The following TEX14 variants were observed in gnomAD, a reference collection of about 807,000 sequenced individuals.
TEX14 encodes inactive serine/threonine-protein kinase TEX14.
Under a neutral mutation model 178.6 loss-of-function variants are expected in TEX14, and 168 were observed. That is an observed-to-expected ratio of 0.94 (90% CI 0.83 to 1.07). The LOEUF (loss-of-function observed/expected upper bound fraction) is 1.07. TEX14 is among the 50% of genes least tolerant of loss of function. The pLI is 0.00. For missense variants in TEX14, 1,730 were observed against 1,753.6 expected, an observed-to-expected ratio of 0.99 and a Z score of 0.24; for synonymous variants, 626 against 634.1, an observed-to-expected ratio of 0.99 and a Z score of 0.19.
In TEX14 at chr17:58,602,472, G is replaced by A. The variant is rs1271939791; in HGVS notation, c.1455C>T (p.Gly485=). 2 of 1,613,904 alleles carry A rather than the reference G, an allele frequency of 1.2e-6. No homozygotes were observed. The highest frequency in any genetic ancestry group is 1.6e-4 in the Middle Eastern group (1 of 6,062). The change falls in exon 12 of 32, where the codon GGC becomes GGT. Residue 485 remains glycine (G), a synonymous_variant. Coordinates refer to ENST00000349033, the MANE Select transcript of TEX14 (RefSeq NM_031272.5). Reference sequence around the variant, plus strand: ...TTCGGTCTTTCTGCTTGACGTGGATGCCTGACTTAACAATATCATAGTAAG... The same window carrying A: ...TTCGGTCTTTCTGCTTGACGTGGATACCTGACTTAACAATATCATAGTAAG... ...PKPYYDIVKS[G]IHVKQKDRTM...
chr17:58,668,357 C>T (rs568147815), intron 1 of TEX14, among the ~76,000 whole-genome samples: 186 of 152,320 alleles, frequency 1.2e-3, no homozygotes, highest in Non-Finnish European at 2.0e-3. Flanking sequence ...AAGTGCACCT[C>T]TCCCAGCTAC....
intron 1 of TEX14, chr17:58,661,031 C>T (rs780487507): frequency 5.3e-6 from 6 of 1,135,834 alleles, no homozygotes; most frequent in African/African-American, 1.5e-5. Flanking sequence ...TTCACGAACA[C>T]GCTCATTATC....
At chr17:58,568,513 T>A (rs1222943209) in intron 26 of TEX14, among the ~76,000 whole-genome samples, 1 of 152,204 alleles carries the variant, frequency 6.6e-6, no homozygotes, top group Non-Finnish European at 1.5e-5. Flanking sequence ...AGATGCATTT[T>A]CTGAGGGTGA....
At chr17:58,667,034 C>A (rs2047225904) in intron 1 of TEX14, among the ~76,000 whole-genome samples, 1 of 152,194 alleles carries the variant, frequency 6.6e-6, no homozygotes, top group Non-Finnish European at 1.5e-5. Flanking sequence ...GTCTGTCAGG[C>A]CATTTTCCTG....
Position 58,602,679 on chromosome 17 carries a change from T to C in TEX14, c.1337-89A>G, listed in dbSNP as rs1461656322. 4 of 1,004,270 alleles carry C rather than the reference T, an allele frequency of 4.0e-6. No homozygotes were observed. In the African/African-American group the frequency reaches 4.9e-5, roughly 12 times the overall value. The allele number at this position is 1,004,270 out of a possible 1,614,324, so 62.2% of individuals were successfully genotyped here. ...GAAATCAGATGAAGCTGGGTAACCTTAGGCAAGTCACTTAACTTCTTTATT... is the reference window on the plus strand; with the variant it reads ...GAAATCAGATGAAGCTGGGTAACCTCAGGCAAGTCACTTAACTTCTTTATT... On this transcript the variant is annotated intron_variant, in intron 11 of 31. Transcript: ENST00000349033.
chr17:58,593,679 A>T lies in TEX14; in HGVS notation c.2470-18T>A, dbSNP rs2045211752. 6.3e-7 allele frequency: 1 copy of T among 1,592,454 alleles called. No individual in the cohort carries two copies. The highest frequency in any genetic ancestry group is 8.6e-7 in the Non-Finnish European group (1 of 1,160,440). On this transcript the variant is annotated intron_variant, in intron 14 of 31. Coordinates refer to ENST00000349033, the MANE Select transcript of TEX14 (RefSeq NM_031272.5). ...GTCGGCAGCTTAAAAAGCAATAAAC[A>T]TGTTTCAGGGCTTTGATGAGAGAAT...
intron 24 of TEX14, 105 bp from the exon 25 acceptor site, chr17:58,570,589 C>A: frequency 9.6e-6 from 5 of 523,150 alleles, no homozygotes; most frequent in East Asian, 4.1e-5. Flanking sequence ...CAAACTCACT[C>A]ACATGTCACC....
chr17:58,682,601 T>C (rs1012015570), intron 1 of TEX14, among the ~76,000 whole-genome samples: 4 of 151,808 alleles, frequency 2.6e-5, no homozygotes, highest in African/African-American at 9.7e-5. Flanking sequence ...CAAAACAAAA[T>C]GTTGATAATT....
chr17:58,648,613 T>C (rs571674833), intron 2 of TEX14, among the ~76,000 whole-genome samples: 65 of 152,156 alleles, frequency 4.3e-4, no homozygotes, highest in African/African-American at 1.5e-3. Flanking sequence ...TGGTGGCAGC[T>C]TGGGGTAGGC....
At chr17:58,672,823 C>T (rs1407607045) in intron 1 of TEX14, among the ~76,000 whole-genome samples, 1 of 151,186 alleles carries the variant, frequency 6.6e-6, no homozygotes, top group African/African-American at 2.4e-5. Flanking sequence ...CCTTTGCCTC[C>T]TGGGTTCAAG....
intron 5 of TEX14, among the ~76,000 whole-genome samples, chr17:58,620,858 C>T (rs9898626): frequency 2.6e-5 from 4 of 151,814 alleles, no homozygotes; most frequent in East Asian, 1.9e-4. Context: ...CAGAGTGGCA[C>T]GCAGCACAGC....
chr17:58,584,509 TTTCTC>T lies in TEX14; in HGVS notation c.3157_3161del (p.Glu1053IlefsTer13). On this transcript the variant is annotated frameshift_variant, in exon 19 of 32. Transcript: ENST00000349033. LOFTEE classifies it high-confidence loss of function. ...AGGCAGTATTACTTACACTGTAAGA[TTTCTC>T]TACAGCCACCAATGTGTCAGAACTT... The T allele has an allele frequency of 6.2e-7, 1 of 1,613,566 alleles. No individual in the cohort carries two copies. Among genetic ancestry groups the T allele is most frequent in the South Asian group, 1.1e-5 (1 of 91,076 alleles).
intron 20 of TEX14, 76 bp downstream of exon 20, chr17:58,579,589 C>T: frequency 7.8e-7 from 1 of 1,279,864 alleles, no homozygotes; most frequent in Non-Finnish European, 1.1e-6. Context: ...ATCCCCCCAG[C>T]TCTAAACATC....
At chr17:58,582,970 C>CT (rs34304842) in intron 19 of TEX14, among the ~76,000 whole-genome samples, 4,576 of 134,656 alleles carry the variant, frequency 0.034, 128 homozygotes, top group African/African-American at 0.074. Flanking sequence ...TCACTTCAGT[C>CT]TTTTTTTTTT....
chr17:58,645,364 A>ATTT (rs942793960), intron 2 of TEX14, among the ~76,000 whole-genome samples: 1 of 136,162 alleles, frequency 7.3e-6, no homozygotes, highest in Non-Finnish European at 1.6e-5. Flanking sequence ...GGCTTCTATA[A>ATTT]TTTTTTTTTT....
At chr17:58,630,872 G>A (rs746832812) in intron 2 of TEX14, among the ~76,000 whole-genome samples, 9 of 152,170 alleles carry the variant, frequency 5.9e-5, no homozygotes, top group Non-Finnish European at 1.2e-4. Context: ...GATACTCTGT[G>A]TGTTGGGAGG....
At chr17:58,596,092 A>G (rs750197534) in intron 14 of TEX14, among the ~76,000 whole-genome samples, 10 of 152,130 alleles carry the variant, frequency 6.6e-5, no homozygotes, top group Non-Finnish European at 1.5e-4. Context: ...CTGAGGCAGA[A>G]GAATCGCTTG....
At chr17:58,667,008 C>G (rs185875548) in intron 1 of TEX14, among the ~76,000 whole-genome samples, 25 of 152,302 alleles carry the variant, frequency 1.6e-4, no homozygotes, top group Admixed American at 1.6e-3. Flanking sequence ...CTCCTGCTCG[C>G]GTCAATGCAA....
intron 24 of TEX14, among the ~76,000 whole-genome samples, chr17:58,571,528 G>A (rs2044529049): frequency 6.6e-6 from 1 of 151,928 alleles, no homozygotes; most frequent in Non-Finnish European, 1.5e-5. Flanking sequence ...TTGAGCCACT[G>A]TGCCTGGCCA....
Sources: allele counts gnomAD v4.1 joint callset (sites outside exome capture counted in the v4.1 genomes callset), GRCh38; gene constraint gnomAD v4.1.1; transcripts MANE v1.5; gene names NCBI Gene and HGNC (gene_info 2026-07-23, HGNC 2026-07-21).